Variants in ADGB observed in about 807,000 individuals in gnomAD.
ADGB encodes the protein androglobin.
A neutral mutation model predicts 210.5 loss-of-function variants in ADGB; 172 were observed. That is an observed-to-expected ratio of 0.82 (90% CI 0.72 to 0.93). The LOEUF (loss-of-function observed/expected upper bound fraction) is 0.93, where lower values mean the gene tolerates loss of function less well. Among genes scored for constraint, ADGB ranks in the 40% least tolerant of loss-of-function variants. The probability of loss-of-function intolerance (pLI) is 0.00; values close to 1 mark genes in which losing one functional copy is unlikely to be tolerated. For synonymous variants in ADGB, 658 were observed against 662.7 expected, an observed-to-expected ratio of 0.99 and a Z score of 0.11; for missense variants, 2,025 against 1,964.8, an observed-to-expected ratio of 1.03 and a Z score of -0.58.
intron 12 of ADGB, among the ~76,000 whole-genome samples, chr6:146,695,638 C>T (rs1776391706): frequency 6.6e-6 from 1 of 151,438 alleles, no homozygotes; most frequent in Admixed American, 6.6e-5. Flanking sequence ...AATTAATTTC[C>T]TTAGTTGCAT....
intron 9 of ADGB, among the ~76,000 whole-genome samples, chr6:146,682,260 C>T (rs1000009915): frequency 7.2e-5 from 11 of 151,914 alleles, no homozygotes; most frequent in Admixed American, 1.3e-4. Flanking sequence ...AGTAATCTTA[C>T]GTATTTTATA....
intron 33 of ADGB, among the ~76,000 whole-genome samples, chr6:146,791,725 C>T (rs976028672): frequency 6.6e-6 from 1 of 151,878 alleles, no homozygotes; most frequent in African/African-American, 2.4e-5. Flanking sequence ...AAGAGATTTC[C>T]CTTTCCCATT....
chr6:146,614,229 CT>C (rs1259805772), intron 1 of ADGB, among the ~76,000 whole-genome samples: 1 of 120,792 alleles, frequency 8.3e-6, no homozygotes, highest in East Asian at 2.7e-4. Context: ...CCCTTCCTTC[CT>C]TCCTTCCTTC....
intron 1 of ADGB, among the ~76,000 whole-genome samples, chr6:146,609,715 G>A (rs1039819487): frequency 6.6e-6 from 1 of 152,132 alleles, no homozygotes. Context: ...GCTTAGTTTG[G>A]CTGGATATGA....
intron 6 of ADGB, 60 bp downstream of exon 6, chr6:146,664,400 C>T (rs565743645): frequency 4.2e-6 from 6 of 1,441,088 alleles, no homozygotes; most frequent in African/African-American, 1.5e-5. Flanking sequence ...ATTAACTATA[C>T]ATTTGTATTG....
chr6:146,697,500 T>C (rs1776422564), intron 12 of ADGB, among the ~76,000 whole-genome samples: 2 of 152,018 alleles, frequency 1.3e-5, no homozygotes, highest in African/African-American at 4.8e-5. Flanking sequence ...AGGAGTATAA[T>C]GACTAAGACC....
intron 9 of ADGB, among the ~76,000 whole-genome samples, chr6:146,685,177 A>T (rs1003870206): frequency 5.3e-5 from 8 of 152,116 alleles, no homozygotes; most frequent in African/African-American, 1.9e-4. Context: ...CAAGGATAAG[A>T]AAAACATTAC....
intron 2 of ADGB, among the ~76,000 whole-genome samples, chr6:146,643,483 G>A (rs1356450005): frequency 6.6e-6 from 1 of 151,318 alleles, no homozygotes; most frequent in Admixed American, 6.6e-5. Flanking sequence ...ATTATTTTTT[G>A]TAAGGACCTT....
intron 1 of ADGB, among the ~76,000 whole-genome samples, chr6:146,612,567 T>C (rs1213803369): frequency 6.6e-6 from 1 of 152,180 alleles, no homozygotes; most frequent in Non-Finnish European, 1.5e-5. Flanking sequence ...TTTTCTTCCC[T>C]GCCGTCCTCT....
At chr6:146,711,885 C>A (rs28378957) in intron 13 of ADGB, among the ~76,000 whole-genome samples, 38 of 151,514 alleles carry the variant, frequency 2.5e-4, no homozygotes, top group African/African-American at 9.0e-4. Flanking sequence ...CAAAAAAAAA[C>A]AACAACAAAA....
At chr6:146,649,035 C>A (rs1054349099) in intron 3 of ADGB, among the ~76,000 whole-genome samples, 1 of 151,908 alleles carries the variant, frequency 6.6e-6, no homozygotes, top group African/African-American at 2.4e-5. Context: ...TTAAATTACA[C>A]AAAAAGTCTT....
At chr6:146,746,626 A>G (rs1219973562) in intron 26 of ADGB, among the ~76,000 whole-genome samples, 6 of 152,044 alleles carry the variant, frequency 3.9e-5, no homozygotes, top group African/African-American at 1.5e-4. Context: ...TTCTGCACTT[A>G]ATCAGTTTTT....
chr6:146,723,055 T>G (rs1272005667), intron 17 of ADGB, among the ~76,000 whole-genome samples: 3 of 152,194 alleles, frequency 2.0e-5, no homozygotes, highest in African/African-American at 7.2e-5. Flanking sequence ...GGGCAGGGAT[T>G]TTTTTTAAAC....
chr6:146,667,019 G>T, intron 7 of ADGB, 117 bp downstream of exon 7: 1 of 662,212 alleles, frequency 1.5e-6, no homozygotes, highest in Non-Finnish European at 2.5e-6. Context: ...AAAATTTGGG[G>T]GAAAATATCG....
chr6:146,777,941 G>A (rs73584834), intron 29 of ADGB, among the ~76,000 whole-genome samples: 6,417 of 152,250 alleles, frequency 0.042, 420 homozygotes, highest in African/African-American at 0.15. Flanking sequence ...TTATCTGTAT[G>A]ATTTCTACAC....
chr6:146,666,681 G>T (rs1775940143), intron 6 of ADGB, 135 bp from the exon 7 acceptor site: 1 of 441,582 alleles, frequency 2.3e-6, no homozygotes, highest in African/African-American at 2.0e-5. Flanking sequence ...TTTGGCTTCT[G>T]GGATAGTATT....
chr6:146,815,270 A>G lies in ADGB; in HGVS notation c.*53A>G, dbSNP rs1200993747. The G allele has an allele frequency of 9.5e-5, 130 of 1,367,220 alleles. No individual in the cohort carries two copies. The highest frequency in any genetic ancestry group is 7.5e-4 in the Middle Eastern group (4 of 5,338). 84.7% of individuals were successfully genotyped at this position (1,367,220 alleles called of 1,614,324 possible). ...TCTGGAGAGAAAAAATCTATTTGTA[A>G]TGATCTTTAACTGCCTGCTGTTAAG... On this transcript the variant is annotated 3_prime_UTR_variant, in exon 36 of 36. Transcript: ENST00000397944.
chr6:146,756,689 A>G (rs776855308), intron 27 of ADGB, among the ~76,000 whole-genome samples: 9 of 151,864 alleles, frequency 5.9e-5, no homozygotes, highest in Non-Finnish European at 1.3e-4. Flanking sequence ...AAATGCCCCA[A>G]TAAATAGTAC....
chr6:146,811,868 G>A (rs1778308069), intron 35 of ADGB, among the ~76,000 whole-genome samples: 1 of 151,988 alleles, frequency 6.6e-6, no homozygotes. Flanking sequence ...TAGAGACGGG[G>A]CTTCACCATG....
Sources: gnomAD v4.1 joint callset for allele counts (sites outside exome capture counted in the v4.1 genomes callset) on GRCh38, gnomAD v4.1.1 for gene constraint, MANE v1.5 for transcripts, NCBI Gene and HGNC (gene_info 2026-07-23, HGNC 2026-07-21) for gene names.